The following CTSA variants were observed in gnomAD, a reference collection of about 807,000 sequenced individuals.
CTSA encodes cathepsin A.
Under a neutral mutation model 66.7 loss-of-function variants are expected in CTSA, and 42 were observed. That is an observed-to-expected ratio of 0.63 (90% CI 0.49 to 0.81). The LOEUF is 0.81. Ranked by LOEUF, CTSA falls within the 40% of genes least tolerant of loss-of-function variation. CTSA has a pLI of 0.00. For synonymous variants in CTSA, 225 were observed against 248.6 expected (o/e 0.91, Z 0.89); for missense variants, 525 against 610.9 (o/e 0.86, Z 1.48).
intron 12 of CTSA, 139 bp from the exon 13 acceptor site, chr20:45,897,573 AAGTCG>A: frequency 1.0e-5 from 7 of 690,098 alleles, no homozygotes; most frequent in Non-Finnish European, 1.9e-5. Flanking sequence ...GACATGCAGT[AAGTCG>A]TTAGAAAACA....
At chr20:45,893,186 T>A in intron 6 of CTSA, 34 bp from the exon 7 acceptor site, 1 of 1,576,224 alleles carries the variant, frequency 6.3e-7, no homozygotes, top group Middle Eastern at 1.7e-4. Flanking sequence ...CTTTTTGCCC[T>A]CCACATGAGC....
chr20:45,891,721 C>G lies in CTSA; in HGVS notation c.153C>G (p.Ser51=). The change falls in exon 2 of 15, where the codon TCC becomes TCG. Residue 51 remains serine (S), a synonymous_variant. Transcript: ENST00000646241. This position sits in a 1 kb window ranked among gnomAD's most constrained non-coding sequence, Gnocchi z 4.6. ...LAKQPSFRQY[S]GYLKGSGSKH... ...AGCAGCCGTCTTTCCGCCAGTACTCCGGCTACCTCAAAGGCTCCGGCTCCA... is the reference window on the plus strand; with the variant it reads ...AGCAGCCGTCTTTCCGCCAGTACTCGGGCTACCTCAAAGGCTCCGGCTCCA... 1.2e-6 allele frequency: 2 copies of G among 1,613,604 alleles called. No homozygotes were observed. The highest frequency in any genetic ancestry group is 1.7e-6 in the Non-Finnish European group (2 of 1,180,038).
At chr20:45,893,102 G>A in intron 6 of CTSA, 118 bp from the exon 7 acceptor site, 1 of 994,396 alleles carries the variant, frequency 1.0e-6, no homozygotes, top group South Asian at 1.3e-5. Context: ...ATACCCACCG[G>A]CCTACATAAA....
In CTSA at chr20:45,894,314, C is replaced by T. The variant is rs2075963; in HGVS notation, c.777+242C>T. The T allele has an allele frequency of 0.65, 406,997 of 624,434 alleles. 133,453 individuals carry two copies. Among genetic ancestry groups the T allele is most frequent in the Admixed American group, 0.75 (29,559 of 39,602 alleles). The allele number at this position is 624,434 out of a possible 1,614,324, so 38.7% of individuals were successfully genotyped here. On this transcript the variant is annotated intron_variant, in intron 8 of 14. Coordinates refer to ENST00000646241, the MANE Select transcript of CTSA (RefSeq NM_000308.4). ...CTTCACATTTATCAAACACCTGCAA[C>T]GTGGCAGGCACTGTGCTGAACTGTG... is the stretch of plus-strand genomic sequence containing the variant.
In CTSA at chr20:45,898,093, C is replaced by A; in HGVS notation, c.1343C>A (p.Ala448Asp). ...AGFVKEFSHI[A>D]FLTIKGAGHM... ...TTCGTGAAGGAGTTCTCCCACATCG[C>A]CTTTCTCACGATCAAGGTAGGGACT... Residue 448 changes from alanine (A) to aspartate (D), a missense_variant, in exon 14 of 15, where the codon GCC becomes GAC. Physicochemically the swap from Ala to Asp is moderately radical, Grantham distance 126 (BLOSUM62 -2). Transcript: ENST00000646241. This position sits in a 1 kb window ranked among gnomAD's most constrained non-coding sequence, Gnocchi z 4.6. The A allele has an allele frequency of 6.2e-7, 1 of 1,614,028 alleles. No homozygotes were observed. The highest frequency in any genetic ancestry group is 8.5e-7 in the Non-Finnish European group (1 of 1,179,968).
At position 45,892,805 on chromosome 20, in the gene CTSA, C is replaced by T. The variant is rs1157339986; in HGVS notation, c.525C>T (p.Thr175=). The change falls in exon 6 of 15, where the codon ACC becomes ACT. Residue 175 remains threonine (T), a synonymous_variant. Transcript: ENST00000646241. Reference sequence around the variant, plus strand: ...ACAAGAACAACAAACTTTTCCTGACCGGGGAGAGCTATGCTGGCATCTACA... The same window carrying T: ...ACAAGAACAACAAACTTTTCCTGACTGGGGAGAGCTATGCTGGCATCTACA... The part of the protein sequence containing the change: ...PEYKNNKLFL[T]GESYAGIYIP... The T allele has an allele frequency of 1.5e-5, 24 of 1,614,034 alleles. No homozygotes were observed. The highest frequency in any genetic ancestry group is 1.0e-4 in the Admixed American group (6 of 60,010).
intron 8 of CTSA, 76 bp downstream of exon 8, chr20:45,894,148 G>A: frequency 9.6e-7 from 1 of 1,045,806 alleles, no homozygotes; most frequent in Non-Finnish European, 1.5e-6. Flanking sequence ...CCTCCTTGGG[G>A]ACTCCTTGTT....
At position 45,891,713 on chromosome 20, in the gene CTSA, C is replaced by T; in HGVS notation, c.145C>T (p.Gln49Ter). 6.2e-7 allele frequency: 1 copy of T among 1,613,528 alleles called. No individual in the cohort carries two copies. The highest frequency in any genetic ancestry group is 8.5e-7 in the Non-Finnish European group (1 of 1,180,030). ...PGLAKQPSFR[Q>*]YSGYLKGSGS... ...GCTGGCCAAGCAGCCGTCTTTCCGC[C>T]AGTACTCCGGCTACCTCAAAGGCTC... The change falls in exon 2 of 15, where the codon CAG becomes TAG. Residue 49 changes from glutamine to a stop codon, truncating the protein, a stop_gained. Coordinates refer to ENST00000646241, the MANE Select transcript of CTSA (RefSeq NM_000308.4). LOFTEE classifies it high-confidence loss of function. This position sits in a 1 kb window ranked among gnomAD's most constrained non-coding sequence, Gnocchi z 4.6.
intron 12 of CTSA, chr20:45,897,294 CA>C: frequency 1.8e-6 from 1 of 559,354 alleles, no homozygotes; most frequent in Non-Finnish European, 3.2e-6. Flanking sequence ...TCATTCATGC[CA>C]AAAATGGGCC....
rs1411857412 is a variant in CTSA, at chr20:45,898,442, C to G, written c.1435C>G (p.Pro479Ala). The stretch of plus-strand genomic sequence containing the variant: ...GTTCTCCCGCTTCCTGAACAAGCAG[C>G]CATACTGATGACCACAGCAACCAGC... ...TMFSRFLNKQ[P>A]Y Residue 479 changes from proline (P) to alanine (A), a missense_variant, in exon 15 of 15, where the codon CCA becomes GCA. Physicochemically the swap from Pro to Ala is conservative, Grantham distance 27. Around this residue, in one of 3 missense-constraint regions of CTSA, gnomAD observed 274 missense variants for 321.1 expected, o/e 0.85. Transcript: ENST00000646241. The surrounding 1 kb of genome is among the most constrained non-coding windows in gnomAD (Gnocchi z 4.6). The G allele has an allele frequency of 1.2e-6, 2 of 1,613,776 alleles. No individual in the cohort carries two copies. The highest frequency in any genetic ancestry group is 2.7e-5 in the African/African-American group (2 of 74,904).
chr20:45,892,563 C>G lies in CTSA; in HGVS notation c.444+79C>G. ...CATGATGCTGGGAGAGAGAGCATGG[C>G]CTTGGAGTCTACTTTTCGCTCTGTC... On this transcript the variant is annotated intron_variant, in intron 5 of 14. Transcript: ENST00000646241. The G allele has an allele frequency of 3.9e-6, 6 of 1,531,116 alleles. No homozygotes were observed. In the South Asian group the frequency reaches 6.7e-5, roughly 17 times the overall value. 94.8% of individuals were successfully genotyped at this position (1,531,116 alleles called of 1,614,324 possible).
rs1242765622 is a variant in CTSA at position 45,891,431 on chromosome 20, C to T, written c.-1+52C>T. The T allele has an allele frequency of 6.5e-7, 1 of 1,549,802 alleles. No individual in the cohort carries two copies. Among genetic ancestry groups the T allele is most frequent in the South Asian group, 1.2e-5 (1 of 84,404 alleles). ...GATCCCCGAGCCCGGGATCGGTGCGCGGCAGAGGAGGCTCGCGGGTGGGAG... is the reference window on the plus strand; with the variant it reads ...GATCCCCGAGCCCGGGATCGGTGCGTGGCAGAGGAGGCTCGCGGGTGGGAG... On this transcript the variant is annotated intron_variant, in intron 1 of 14. Transcript: ENST00000646241. This position sits in a 1 kb window ranked among gnomAD's most constrained non-coding sequence, Gnocchi z 4.6.
At position 45,893,974 on chromosome 20, in the gene CTSA, C is replaced by T; in HGVS notation, c.693-14C>T. ...ACCAGCAGCTGATGCGCTTTTCACT[C>T]TCATCTCCTACAGGCTTTGGTCTTC... On this transcript the variant is annotated splice_polypyrimidine_tract_variant and intron_variant, in intron 7 of 14. Transcript: ENST00000646241. The T allele has an allele frequency of 6.4e-7, 1 of 1,570,266 alleles. No individual in the cohort carries two copies. Among genetic ancestry groups the T allele is most frequent in the Non-Finnish European group, 8.8e-7 (1 of 1,140,678 alleles).
At chr20:45,897,917 G>A in intron 13 of CTSA, 88 bp from the exon 14 acceptor site, 2 of 1,549,152 alleles carry the variant, frequency 1.3e-6, no homozygotes, top group Non-Finnish European at 1.8e-6. Flanking sequence ...GAGGGCAAGT[G>A]TGGAGGAATT....
Position 45,891,682 on chromosome 20 carries a change from C to T in CTSA, c.114C>T (p.Leu38=). 6.2e-7 allele frequency: 1 copy of T among 1,613,164 alleles called. No homozygotes were observed. Among genetic ancestry groups the T allele is most frequent in the Non-Finnish European group, 8.5e-7 (1 of 1,180,010 alleles). ...CCGACCAGGACGAGATCCAGCGCCT[C>T]CCCGGGCTGGCCAAGCAGCCGTCTT... is the stretch of plus-strand genomic sequence containing the variant. The part of the protein sequence containing the change: ...AAPDQDEIQR[L]PGLAKQPSFR... The change falls in exon 2 of 15, where the codon CTC becomes CTT. Residue 38 remains leucine (L), a synonymous_variant. Transcript: ENST00000646241. This position sits in a 1 kb window ranked among gnomAD's most constrained non-coding sequence, Gnocchi z 4.6.
intron 11 of CTSA, 122 bp from the exon 12 acceptor site, chr20:45,896,843 G>A: frequency 2.4e-6 from 2 of 826,580 alleles, no homozygotes; most frequent in Non-Finnish European, 2.1e-6. Flanking sequence ...CCAAAAAGGG[G>A]AGTGGAACCC....
In CTSA at chr20:45,897,980, G is replaced by T. The variant is rs77361881; in HGVS notation, c.1255-25G>T. On this transcript the variant is annotated intron_variant, in intron 13 of 14. Coordinates refer to ENST00000646241, the MANE Select transcript of CTSA (RefSeq NM_000308.4). ...GTGAGCAAGGATGCAGCTGCTGTAG[G>T]CTGATGTCTTTCCTGGTGGGGCAGA... is the stretch of plus-strand genomic sequence containing the variant. 0.018 allele frequency: 28,468 copies of T among 1,611,106 alleles called. 358 individuals carry two copies. The highest frequency in any genetic ancestry group is 0.03 in the South Asian group (2,763 of 91,038).
chr20:45,892,273 G>A lies in CTSA; in HGVS notation c.307G>A (p.Val103Ile). The A allele has an allele frequency of 1.9e-6, 3 of 1,613,958 alleles. No individual in the cohort carries two copies. Among genetic ancestry groups the A allele is most frequent in the Non-Finnish European group, 1.7e-6 (2 of 1,180,016 alleles). The change falls in exon 4 of 15, where the codon GTC (valine) becomes ATC (isoleucine). Residue 103 changes from valine (V) to isoleucine (I), a missense_variant and splice_region_variant. Val to Ile is a conservative substitution (Grantham distance 29, BLOSUM62 3). Coordinates refer to ENST00000646241, the MANE Select transcript of CTSA (RefSeq NM_000308.4). ...ACTCAGCCATCTCTTTCCTCCTCAG[G>A]TCCAGCCAGATGGTGTCACCCTGGA... is the stretch of plus-strand genomic sequence containing the variant. ...GLLTEHGPFL[V>I]QPDGVTLEYN...
chr20:45,894,403 C>T (rs1259126146), intron 8 of CTSA: 1 of 614,686 alleles, frequency 1.6e-6, no homozygotes, highest in African/African-American at 1.8e-5. Context: ...CCACATTTTC[C>T]AGATAAGGAA....
Sources: allele counts gnomAD v4.1 joint callset, GRCh38; gene constraint gnomAD v4.1.1; regional missense constraint gnomAD v4.1.1; non-coding constraint Gnocchi (gnomAD v3.1); transcripts MANE v1.5; gene names NCBI Gene and HGNC (gene_info 2026-07-23, HGNC 2026-07-21).